The following BBS9 variants were observed in gnomAD, a reference collection of about 807,000 sequenced individuals.
The protein encoded by BBS9 is protein PTHB1.
A neutral mutation model predicts 117.7 loss-of-function variants in BBS9; 89 were observed. The ratio of observed to expected loss-of-function variants is 0.76; its 90% CI spans 0.64 to 0.90. The LOEUF (loss-of-function observed/expected upper bound fraction) is 0.90. BBS9 is among the 40% of genes least tolerant of loss of function. The pLI is 0.00. For missense variants in BBS9, 982 were observed against 1,042.2 expected, an observed-to-expected ratio of 0.94 and a Z score of 0.80; for synonymous variants, 379 against 370.9, an observed-to-expected ratio of 1.02 and a Z score of -0.25.
chr7:33,418,341 A>G (rs928579032), intron 19 of BBS9, among the ~76,000 whole-genome samples: 1 of 152,068 alleles, frequency 6.6e-6, no homozygotes, highest in Non-Finnish European at 1.5e-5. Flanking sequence ...AAGATTGATG[A>G]TGTATTTTAA....
At chr7:33,446,048 T>G (rs1836945862) in intron 19 of BBS9, among the ~76,000 whole-genome samples, 1 of 152,206 alleles carries the variant, frequency 6.6e-6, no homozygotes, top group African/African-American at 2.4e-5. Context: ...AATGTATAAT[T>G]GTATTATCAT....
In BBS9 at chr7:33,264,366, A is replaced by G. The variant is rs752144921; in HGVS notation, c.694A>G (p.Arg232Gly). 9.5e-6 allele frequency: 15 copies of G among 1,579,744 alleles called. No homozygotes were observed. The South Asian group carries it at 1.4e-4, about 15-fold the overall frequency. The change falls in exon 7 of 23, where the codon AGA becomes GGA. Residue 232 changes from arginine (R) to glycine (G), a missense_variant. Physicochemically the swap from Arg to Gly is moderately radical, Grantham distance 125. Coordinates refer to ENST00000242067, the MANE Select transcript of BBS9 (RefSeq NM_198428.3). ...TEQQKLGSGK[R>G]LVVDWTLNIG... ...ACAGCAAAAACTTGGTTCTGGAAAA[A>G]GACTAGTTGTAAGGCCTTTTTTTAA...
In BBS9 at chr7:33,152,884, T is replaced by C. The variant is rs368821728; in HGVS notation, c.263+33T>C. 1.7e-5 allele frequency: 27 copies of C among 1,608,484 alleles called. No individual in the cohort carries two copies. In the African/African-American group the frequency reaches 2.9e-4, roughly 17 times the overall value. On this transcript the variant is annotated intron_variant, in intron 3 of 22. Coordinates refer to ENST00000242067, the MANE Select transcript of BBS9 (RefSeq NM_198428.3). ...AGCCCACTAATTCTGGTATTTTACT[T>C]GGAGTATGTCAATCCTTTACAGTGT...
chr7:33,307,829 C>A (rs1220403815), intron 9 of BBS9, among the ~76,000 whole-genome samples: 1 of 150,494 alleles, frequency 6.6e-6, no homozygotes, highest in Non-Finnish European at 1.5e-5. Context: ...GGATGCAGAA[C>A]CTATGAATAT....
rs115033242 is a variant in BBS9 at position 33,306,984 on chromosome 7, C to T, written c.1017-29457C>T. 2.8e-3 allele frequency among the ~76,000 whole-genome samples: 432 copies of T among 151,960 alleles called. 1 individual carries two copies. Among genetic ancestry groups the T allele is most frequent in the African/African-American group, 9.9e-3 (412 of 41,530 alleles). On this transcript the variant is annotated intron_variant, in intron 9 of 22. Transcript: ENST00000242067. ...TATTTGCAGGAACATTGTATGTACG[C>T]GGTATCTGTGAGGAATCTTCTCAGC...
intron 17 of BBS9, among the ~76,000 whole-genome samples, chr7:33,369,060 A>C (rs960627893): frequency 5.9e-5 from 9 of 152,200 alleles, no homozygotes; most frequent in Non-Finnish European, 1.2e-4. Context: ...AAGACTTAAC[A>C]TGAGATCTAT....
At chr7:33,388,614 C>T (rs1826474016) in intron 19 of BBS9, among the ~76,000 whole-genome samples, 1 of 152,084 alleles carries the variant, frequency 6.6e-6, no homozygotes, top group Non-Finnish European at 1.5e-5. Context: ...CATCATAGTT[C>T]AAAAAGTTCT....
At chr7:33,476,130 A>G (rs1841769444) in intron 19 of BBS9, among the ~76,000 whole-genome samples, 1 of 152,224 alleles carries the variant, frequency 6.6e-6, no homozygotes, top group Non-Finnish European at 1.5e-5. Flanking sequence ...ATTTTGTAAA[A>G]TTCTGTTAGT....
At position 33,152,615 on chromosome 7, in the gene BBS9, C is replaced by A. The variant is rs371505366; in HGVS notation, c.113-86C>A. ...GAATTCTTTTAATTTTTAGATTTCT[C>A]TTTTACACATTAGAAAGCTTATTTC... On this transcript the variant is annotated intron_variant, in intron 2 of 22. Coordinates refer to ENST00000242067, the MANE Select transcript of BBS9 (RefSeq NM_198428.3). The A allele has an allele frequency of 1.4e-5, 18 of 1,294,132 alleles. 1 individual carries two copies. The highest frequency in any genetic ancestry group is 1.2e-4 in the South Asian group (9 of 75,990). The allele number at this position is 1,294,132 out of a possible 1,614,324, so 80.2% of individuals were successfully genotyped here.
At chr7:33,631,377 T>C (rs1038765778) in intron 21 of BBS9, among the ~76,000 whole-genome samples, 1 of 152,142 alleles carries the variant, frequency 6.6e-6, no homozygotes, top group Admixed American at 6.5e-5. Flanking sequence ...TCAGCTCTAG[T>C]GTCCCCTTCT....
At chr7:33,230,156 C>G (rs536311498) in intron 5 of BBS9, among the ~76,000 whole-genome samples, 1 of 152,128 alleles carries the variant, frequency 6.6e-6, no homozygotes, top group Non-Finnish European at 1.5e-5. Context: ...TGGATATTCA[C>G]TCCTTGTGAG....
intron 1 of BBS9, among the ~76,000 whole-genome samples, chr7:33,144,612 T>C (rs186587078): frequency 6.6e-6 from 1 of 152,324 alleles, no homozygotes; most frequent in Non-Finnish European, 1.5e-5. Flanking sequence ...TAGGTTGTTT[T>C]TGGAGGGGGA....
intron 19 of BBS9, among the ~76,000 whole-genome samples, chr7:33,397,196 G>A (rs574169497): frequency 2.0e-5 from 3 of 152,256 alleles, no homozygotes; most frequent in East Asian, 3.9e-4. Flanking sequence ...AGACATACAC[G>A]TGGCCAGAAA....
chr7:33,533,812 A>T, intron 20 of BBS9, 142 bp from the exon 21 acceptor site: 1 of 976,452 alleles, frequency 1.0e-6, no homozygotes, highest in Non-Finnish European at 1.6e-6. Flanking sequence ...AAACCAGCCT[A>T]GTCTGGAATA....
chr7:33,454,619 C>A (rs547151085), intron 19 of BBS9, among the ~76,000 whole-genome samples: 59 of 152,334 alleles, frequency 3.9e-4, no homozygotes, highest in African/African-American at 1.4e-3. Flanking sequence ...TTGGCTCAGA[C>A]AAATCATGAT....
chr7:33,442,224 C>T (rs190236696), intron 19 of BBS9, among the ~76,000 whole-genome samples: 355 of 152,264 alleles, frequency 2.3e-3, no homozygotes, highest in African/African-American at 8.3e-3. Context: ...TTTCCACTTT[C>T]AGTCAGTTTG....
At chr7:33,408,180 T>G (rs1233617488) in intron 19 of BBS9, among the ~76,000 whole-genome samples, 1 of 152,186 alleles carries the variant, frequency 6.6e-6, no homozygotes. Context: ...ACCTTGCAGT[T>G]TGATCTCAGA....
intron 19 of BBS9, among the ~76,000 whole-genome samples, chr7:33,410,625 CCTT>C (rs1450274331): frequency 6.6e-6 from 1 of 152,172 alleles, no homozygotes; most frequent in East Asian, 1.9e-4. Context: ...TTCCTGCTGT[CCTT>C]CTTGTCTCAA....
intron 9 of BBS9, among the ~76,000 whole-genome samples, chr7:33,283,187 T>C (rs533623214): frequency 6.6e-6 from 1 of 152,318 alleles, no homozygotes; most frequent in African/African-American, 2.4e-5. Flanking sequence ...CCTTAATAAT[T>C]GTATATTGCT....
Sources: gnomAD v4.1 joint callset for allele counts (sites outside exome capture counted in the v4.1 genomes callset) on GRCh38, gnomAD v4.1.1 for gene constraint, MANE v1.5 for transcripts, NCBI Gene and HGNC (gene_info 2026-07-23, HGNC 2026-07-21) for gene names.